The following TAF2 variants were observed in gnomAD, a reference collection of about 807,000 sequenced individuals.
TAF2 encodes TATA-box binding protein associated factor 2.
A neutral mutation model predicts 138.5 loss-of-function variants in TAF2; 61 were observed. The observed-to-expected ratio is 0.44, with a 90% CI of 0.36 to 0.54. The LOEUF (loss-of-function observed/expected upper bound fraction) is 0.54. TAF2 is among the 20% of genes least tolerant of loss of function. TAF2 has a pLI of 0.00. For missense variants in TAF2, 1,090 were observed against 1,427.9 expected (o/e 0.76, Z 3.81); for synonymous variants, 475 against 469.9 (o/e 1.01, Z -0.14).
intron 15 of TAF2, 39 bp downstream of exon 15, chr8:119,785,162 G>A: frequency 6.5e-7 from 1 of 1,527,564 alleles, no homozygotes; most frequent in Non-Finnish European, 9.1e-7. Context: ...TGAGAATGCA[G>A]AAAGTATTAT....
rs1823027984 is a variant in TAF2 at position 119,786,607 on chromosome 8, C to T, written c.1794-1341G>A. ...ATGAGGAAAAAAAGATACCTGATAA[C>T]ATGTTCTCTACCTAAAAAATTAGGT... is the stretch of plus-strand genomic sequence containing the variant. On this transcript the variant is annotated intron_variant, in intron 14 of 25. Coordinates refer to ENST00000378164, the MANE Select transcript of TAF2 (RefSeq NM_003184.4). Among the ~76,000 whole-genome samples the T allele has an allele frequency of 2.0e-5, 3 of 152,152 alleles. No homozygotes were observed. In the South Asian group the frequency reaches 6.2e-4, roughly 32 times the overall value.
intron 2 of TAF2, among the ~76,000 whole-genome samples, chr8:119,825,785 CA>C (rs1203740469): frequency 6.6e-6 from 1 of 151,946 alleles, no homozygotes; most frequent in Non-Finnish European, 1.5e-5. Context: ...CCTGTGTTCA[CA>C]CCATTCTCCT....
chr8:119,825,353 T>C (rs2131267438), intron 2 of TAF2, among the ~76,000 whole-genome samples: 1 of 152,368 alleles, frequency 6.6e-6, no homozygotes, highest in Non-Finnish European at 1.5e-5. Context: ...AGGCAGTAAC[T>C]AACTTGCTTT....
intron 19 of TAF2, among the ~76,000 whole-genome samples, chr8:119,762,050 C>G (rs1481357664): frequency 6.6e-6 from 1 of 151,842 alleles, no homozygotes; most frequent in Admixed American, 6.6e-5. Context: ...AGTGAAAAGT[C>G]ATCTTAAAAA....
Position 119,788,874 on chromosome 8 carries a change from T to G in TAF2, c.1599A>C (p.Gly533=), listed in dbSNP as rs746202369. ...VDQSGVVKFY[G]SFAFNRKRNV... The stretch of plus-strand genomic sequence containing the variant: ...TTCGTTTTCTATTAAATGCAAAACT[T>G]CCATAAAATTTTACCACTCCACTCT... The change falls in exon 13 of 26, where the codon GGA becomes GGC. Residue 533 remains glycine, a synonymous_variant. Transcript: ENST00000378164. 1.1e-5 allele frequency: 17 copies of G among 1,613,486 alleles called. No individual in the cohort carries two copies. The highest frequency in any genetic ancestry group is 5.1e-6 in the Non-Finnish European group (6 of 1,179,626).
chr8:119,826,254 G>A (rs1826091451), intron 2 of TAF2, among the ~76,000 whole-genome samples: 2 of 148,772 alleles, frequency 1.3e-5, no homozygotes, highest in Admixed American at 1.3e-4. Context: ...AGAACTTAAA[G>A]TATAATTAAA....
rs763463189 is a variant in TAF2 at position 119,791,477 on chromosome 8, A to G, written c.1278-18T>C. On this transcript the variant is annotated intron_variant, in intron 10 of 25. Transcript: ENST00000378164. ...AAGCCGGACTAAAAAAAATAAACAC[A>G]TTTACCTAATACAGCAAATGTGACT... is the stretch of plus-strand genomic sequence containing the variant. The G allele has an allele frequency of 1.9e-6, 3 of 1,610,234 alleles. No homozygotes were observed. The highest frequency in any genetic ancestry group is 2.5e-6 in the Non-Finnish European group (3 of 1,177,616).
In TAF2 at chr8:119,831,706, T is replaced by C; in HGVS notation, c.109A>G (p.Asn37Asp). The C allele has an allele frequency of 6.2e-7, 1 of 1,605,032 alleles. No homozygotes were observed. The highest frequency in any genetic ancestry group is 8.5e-7 in the Non-Finnish European group (1 of 1,174,232). ...KLTHQVVCINNINFQRKSVVG... is the reference protein window; with the variant it reads ...KLTHQVVCINDINFQRKSVVG... ...ACAGATTTTCTCTGGAAATTTATGT[T>C]GTTGATGCAGACGACCTGATGGGTT... The change falls in exon 2 of 26, where the codon AAC (asparagine) becomes GAC (aspartate). Residue 37 changes from asparagine (N) to aspartate (D), a missense_variant. This residue lies in a region of TAF2 where 504 missense variants were observed against 680.9 expected (regional missense o/e 0.74). Transcript: ENST00000378164.
intron 2 of TAF2, among the ~76,000 whole-genome samples, chr8:119,826,257 T>A (rs1241287652): frequency 1.4e-5 from 2 of 147,598 alleles, no homozygotes; most frequent in African/African-American, 2.5e-5. Flanking sequence ...ACTTAAAGTA[T>A]AATTAAAAAA....
chr8:119,797,785 T>C lies in TAF2; in HGVS notation c.854A>G (p.His285Arg). 6.2e-7 allele frequency: 1 copy of C among 1,613,542 alleles called. No individual in the cohort carries two copies. Among genetic ancestry groups the C allele is most frequent in the Non-Finnish European group, 8.5e-7 (1 of 1,179,696 alleles). The part of the protein sequence containing the change: ...PLLKHTTSYL[H>R]EVFEFYEEIL... The stretch of plus-strand genomic sequence containing the variant: ...TTCTTCATAAAATTCAAAGACTTCA[T>C]GAAGGTATGATGTGGTATGTTTCAG... The change falls in exon 7 of 26, where the codon CAT (histidine) becomes CGT (arginine). Residue 285 changes from histidine (H) to arginine (R), a missense_variant. Around this residue, in one of 3 missense-constraint regions of TAF2, gnomAD observed 504 missense variants for 680.9 expected, o/e 0.74. Transcript: ENST00000378164.
chr8:119,738,851 T>C (rs1563811906), intron 25 of TAF2, among the ~76,000 whole-genome samples: 1 of 152,036 alleles, frequency 6.6e-6, no homozygotes, highest in Non-Finnish European at 1.5e-5. Context: ...GCAGTTTTTA[T>C]TAGGAAAGGT....
chr8:119,831,898 C>T (rs947724297), intron 1 of TAF2, among the ~76,000 whole-genome samples, 167 bp from the exon 2 acceptor site: 1 of 152,142 alleles, frequency 6.6e-6, no homozygotes, highest in South Asian at 2.1e-4. Flanking sequence ...CGGTGGCTCA[C>T]GCCTGTAATC....
chr8:119,762,248 G>A (rs1821114082), intron 19 of TAF2, among the ~76,000 whole-genome samples, 167 bp downstream of exon 19: 3 of 152,138 alleles, frequency 2.0e-5, no homozygotes, highest in African/African-American at 7.2e-5. Context: ...AAAAAATTTA[G>A]AAGGACATTC....
chr8:119,806,253 T>G (rs116322009), intron 4 of TAF2, 30 bp downstream of exon 4: 5 of 1,550,308 alleles, frequency 3.2e-6, no homozygotes, highest in Non-Finnish European at 8.9e-7. Flanking sequence ...GTGATTTTAG[T>G]GTACAGTCAA....
At chr8:119,799,440 TA>T (rs1288908747) in intron 6 of TAF2, among the ~76,000 whole-genome samples, 5 of 152,106 alleles carry the variant, frequency 3.3e-5, no homozygotes, top group African/African-American at 1.2e-4. Context: ...TTGCTGAGAA[TA>T]ATGGTTTCCA....
intron 9 of TAF2, 31 bp from the exon 10 acceptor site, chr8:119,793,482 A>C (rs953399265): frequency 6.5e-7 from 1 of 1,546,842 alleles, no homozygotes; most frequent in Non-Finnish European, 8.9e-7. Flanking sequence ...GGAGTCAGTA[A>C]AATTTGTAAA....
At chr8:119,775,182 G>A (rs764183410) in intron 18 of TAF2, among the ~76,000 whole-genome samples, 2 of 150,778 alleles carry the variant, frequency 1.3e-5, no homozygotes, top group Non-Finnish European at 2.9e-5. Flanking sequence ...TCAGGAGGCC[G>A]AGGCAGGAGA....
intron 22 of TAF2, among the ~76,000 whole-genome samples, chr8:119,750,581 G>A (rs1820282722): frequency 6.6e-6 from 1 of 151,926 alleles, no homozygotes; most frequent in South Asian, 2.1e-4. Context: ...TTCTATTTAT[G>A]TGTGTGTGTG....
intron 4 of TAF2, among the ~76,000 whole-genome samples, chr8:119,805,432 G>T (rs547650855): frequency 6.6e-6 from 1 of 152,038 alleles, no homozygotes; most frequent in Non-Finnish European, 1.5e-5. Context: ...ATGGCCAGGC[G>T]CAGTGGCTCA....
Sources: allele counts gnomAD v4.1 joint callset (sites outside exome capture counted in the v4.1 genomes callset), GRCh38; gene constraint gnomAD v4.1.1; regional missense constraint gnomAD v4.1.1; transcripts MANE v1.5; gene names NCBI Gene and HGNC (gene_info 2026-07-23, HGNC 2026-07-21).